Variants in ELFN1 observed in about 807,000 individuals in gnomAD.
The protein encoded by ELFN1 is extracellular leucine rich repeat and fibronectin type III domain containing 1.
Under a neutral mutation model 7.6 loss-of-function variants are expected in ELFN1, and 6 were observed. That is an observed-to-expected ratio of 0.79 (90% CI 0.43 to 1.56). ELFN1 has a LOEUF of 1.56. ELFN1 is among the 40% of genes most tolerant of loss of function. ELFN1 has a pLI of 0.01. For missense variants in ELFN1, 1,169 were observed against 1,232.2 expected (o/e 0.95, Z 0.77); for synonymous variants, 657 against 588.1 (o/e 1.12, Z -1.70).
Position 1,745,417 on chromosome 7 carries a change from G to A in ELFN1, c.821G>A (p.Arg274His), listed in dbSNP as rs774216724. ...RPASGRSQPG[R>H]SPPPPPPPEP... is the part of the protein sequence containing the mutation. ...GCATCCGGGCGCTCACAGCCGGGCCGCTCCCCGCCGCCCCCGCCTCCGCCG... is the reference window on the plus strand; with the variant it reads ...GCATCCGGGCGCTCACAGCCGGGCCACTCCCCGCCGCCCCCGCCTCCGCCG... Residue 274 changes from arginine (R) to histidine (H), a missense_variant, in exon 4 of 4, where the codon CGC (arginine) becomes CAC (histidine). Physicochemically the swap from Arg to His is conservative, Grantham distance 29. This residue lies in a region of ELFN1 where 914 missense variants were observed against 872.6 expected (regional missense o/e 1.05). Transcript: ENST00000424383. 2.0e-5 allele frequency: 31 copies of A among 1,538,822 alleles called. No homozygotes were observed. In the African/African-American group the frequency reaches 2.1e-4, roughly 10 times the overall value.
upstream of ELFN1, among the ~76,000 whole-genome samples, chr7:1,668,103 A>G (rs1221113332): frequency 6.6e-6 from 1 of 151,528 alleles, no homozygotes; most frequent in African/African-American, 2.4e-5. Flanking sequence ...CTCGCCTCCC[A>G]CGGCCCCGCG....
At chr7:1,729,913 C>T (rs551519437) in intron 3 of ELFN1, among the ~76,000 whole-genome samples, 4 of 152,372 alleles carry the variant, frequency 2.6e-5, no homozygotes, top group South Asian at 4.1e-4. Context: ...GCACGGATGC[C>T]GAGGCACGTA....
chr7:1,730,545 A>T (rs995661075), intron 3 of ELFN1, among the ~76,000 whole-genome samples: 3 of 152,268 alleles, frequency 2.0e-5, no homozygotes, highest in Admixed American at 6.5e-5. Context: ...AGATAAATCT[A>T]TTAATAAACT....
intron 3 of ELFN1, among the ~76,000 whole-genome samples, chr7:1,732,857 C>T (rs773643930): frequency 5.3e-5 from 8 of 152,096 alleles, no homozygotes; most frequent in African/African-American, 1.9e-4. Flanking sequence ...GAACAAGCTT[C>T]GGGGAAAGGC....
rs946738139 is a variant in ELFN1 at position 1,735,516 on chromosome 7, C to G, written c.-293-8788C>G. On this transcript the variant is annotated intron_variant, in intron 3 of 3. Transcript: ENST00000424383. The surrounding 1 kb of genome is among the most constrained non-coding windows in gnomAD (Gnocchi z 5.9). ...CGGCCATGTCCCCAGGAGCCAGCCCCGCCGAGTCAGCCCTCCCAGCCCTGG... is the reference window on the plus strand; with the variant it reads ...CGGCCATGTCCCCAGGAGCCAGCCCGGCCGAGTCAGCCCTCCCAGCCCTGG... 1.3e-5 allele frequency among the ~76,000 whole-genome samples: 2 copies of G among 152,204 alleles called. No individual in the cohort carries two copies. The highest frequency in any genetic ancestry group is 1.5e-5 in the Non-Finnish European group (1 of 67,972).
chr7:1,673,467 C>T lies in ELFN1; in HGVS notation c.-549+3113C>T, dbSNP rs1028964600. Among the ~76,000 whole-genome samples the T allele has an allele frequency of 6.6e-5, 10 of 152,210 alleles. No individual in the cohort carries two copies. The highest frequency in any genetic ancestry group is 1.9e-4 in the East Asian group (1 of 5,174). On this transcript the variant is annotated intron_variant, in intron 1 of 3. Transcript: ENST00000424383. The surrounding 1 kb of genome is among the most constrained non-coding windows in gnomAD (Gnocchi z 4.7). Reference sequence around the variant, plus strand: ...AAGCAGGGTGGCAGCTATGGGCACTCGAGCCCAGCACCGTGCCCCCCCTCC... The same window carrying T: ...AAGCAGGGTGGCAGCTATGGGCACTTGAGCCCAGCACCGTGCCCCCCCTCC...
At chr7:1,738,220 G>A (rs1780505220) in intron 3 of ELFN1, among the ~76,000 whole-genome samples, 1 of 152,194 alleles carries the variant, frequency 6.6e-6, no homozygotes. Context: ...GTGCTCTTGT[G>A]GCTGCCCAGG....
At chr7:1,702,285 G>A (rs1254704639) in intron 2 of ELFN1, among the ~76,000 whole-genome samples, 8 of 152,048 alleles carry the variant, frequency 5.3e-5, no homozygotes, top group South Asian at 4.1e-4. Context: ...ATTAGCCAGC[G>A]TGATGGCGGG....
chr7:1,720,394 G>A (rs1002607960), intron 3 of ELFN1, among the ~76,000 whole-genome samples: 1 of 152,208 alleles, frequency 6.6e-6, no homozygotes, highest in Non-Finnish European at 1.5e-5. Context: ...ATACAGCTGC[G>A]GGCAAGGGGC....
At chr7:1,725,244 G>A (rs1369813972) in intron 3 of ELFN1, among the ~76,000 whole-genome samples, 1 of 152,238 alleles carries the variant, frequency 6.6e-6, no homozygotes, top group Non-Finnish European at 1.5e-5. Context: ...AGGAACCCAG[G>A]GAATAGGCCG....
rs1780419880 is a variant in ELFN1, at chr7:1,735,488, C to T, written c.-293-8816C>T. 6.6e-6 allele frequency among the ~76,000 whole-genome samples: 1 copy of T among 152,146 alleles called. No homozygotes were observed. The highest frequency in any genetic ancestry group is 6.5e-5 in the Admixed American group (1 of 15,288). The stretch of plus-strand genomic sequence containing the variant: ...GGTCAGGGGCCTGCTAGACCCAACC[C>T]TGCGGCCATGTCCCCAGGAGCCAGC... On this transcript the variant is annotated intron_variant, in intron 3 of 3. Transcript: ENST00000424383. This position sits in a 1 kb window ranked among gnomAD's most constrained non-coding sequence, Gnocchi z 5.9.
Position 1,673,483 on chromosome 7 carries a change from C to G in ELFN1, c.-549+3129C>G, listed in dbSNP as rs568309606. ...ATGGGCACTCGAGCCCAGCACCGTG[C>G]CCCCCCTCCCCGCCCCCTGCCCCGG... is the stretch of plus-strand genomic sequence containing the variant. On this transcript the variant is annotated intron_variant, in intron 1 of 3. Coordinates refer to ENST00000424383, the MANE Select transcript of ELFN1 (RefSeq NM_001128636.4). The surrounding 1 kb of genome is among the most constrained non-coding windows in gnomAD (Gnocchi z 4.7). Among the ~76,000 whole-genome samples, 3 of 152,124 alleles carry G rather than the reference C, an allele frequency of 2.0e-5. No homozygotes were observed. The highest frequency in any genetic ancestry group is 2.0e-4 in the Admixed American group (3 of 15,296).
At chr7:1,721,741 C>T (rs1242771465) in intron 3 of ELFN1, among the ~76,000 whole-genome samples, 1 of 152,204 alleles carries the variant, frequency 6.6e-6, no homozygotes, top group Non-Finnish European at 1.5e-5. Flanking sequence ...AAAACCATCG[C>T]TCACGATCTG....
upstream of ELFN1, among the ~76,000 whole-genome samples, chr7:1,668,457 T>C (rs1778704672): frequency 6.6e-6 from 1 of 152,204 alleles, no homozygotes; most frequent in South Asian, 2.1e-4. Flanking sequence ...AGTACCTCTC[T>C]TGGGGTTTAT....
At chr7:1,681,295 C>A (rs1417581811) in intron 1 of ELFN1, among the ~76,000 whole-genome samples, 2 of 152,234 alleles carry the variant, frequency 1.3e-5, no homozygotes, top group Admixed American at 1.3e-4. Flanking sequence ...AATCATGCCG[C>A]TGTGAACATT....
intron 3 of ELFN1, among the ~76,000 whole-genome samples, chr7:1,731,618 G>A (rs188549115): frequency 5.3e-5 from 8 of 152,268 alleles, no homozygotes; most frequent in African/African-American, 1.4e-4. Flanking sequence ...CAGGAAAACC[G>A]TGACATATGC....
At position 1,745,261 on chromosome 7, in the gene ELFN1, C is replaced by T. The variant is rs776716115; in HGVS notation, c.665C>T (p.Ser222Leu). Residue 222 changes from serine (S) to leucine (L), a missense_variant, in exon 4 of 4, where the codon TCG becomes TTG. Transcript: ENST00000424383. ...ACGTACGACCGCATGCAGTGCGAGT[C>T]GCCGCCCGTCTACTCCGGCTACTAC... ...TQTYDRMQCE[S>L]PPVYSGYYLL... is the part of the protein sequence containing the mutation. 38 of 1,539,014 alleles carry T rather than the reference C, an allele frequency of 2.5e-5. No homozygotes were observed. The highest frequency in any genetic ancestry group is 4.1e-5 in the African/African-American group (3 of 73,184).
chr7:1,704,613 T>C (rs1779493361), intron 2 of ELFN1, among the ~76,000 whole-genome samples: 1 of 151,982 alleles, frequency 6.6e-6, no homozygotes, highest in Non-Finnish European at 1.5e-5. Context: ...GGGTCCTGAG[T>C]GTGACCTGGG....
chr7:1,667,965 T>TGG (rs201869702), upstream of ELFN1, among the ~76,000 whole-genome samples: 626 of 44,800 alleles, frequency 0.014, 34 homozygotes, highest in African/African-American at 0.038. The surrounding 1 kb of genome is among the most constrained non-coding windows in gnomAD (Gnocchi z 8.2). Context: ...CCGCTCGGGG[T>TGG]GGGGGGGGGG....
Sources: gnomAD v4.1 joint callset for allele counts (sites outside exome capture counted in the v4.1 genomes callset) on GRCh38, gnomAD v4.1.1 for gene constraint, gnomAD v4.1.1 regional missense constraint, Gnocchi (gnomAD v3.1) non-coding constraint, MANE v1.5 for transcripts, NCBI Gene and HGNC (gene_info 2026-07-23, HGNC 2026-07-21) for gene names.